The following ANKRD11 variants were observed in gnomAD, a reference collection of about 807,000 sequenced individuals.
ANKRD11 encodes ankyrin repeat domain-containing protein 11.
Under a neutral mutation model 195.7 loss-of-function variants are expected in ANKRD11, and 17 were observed. The observed-to-expected ratio is 0.09, with a 90% CI of 0.06 to 0.13. ANKRD11 has a LOEUF of 0.13. ANKRD11 is among the 10% of genes least tolerant of loss of function. ANKRD11 has a pLI of 1.00. For missense variants in ANKRD11, 3,735 were observed against 3,566.1 expected (o/e 1.05, Z -1.21); for synonymous variants, 1,953 against 1,528.1 (o/e 1.28, Z -6.49).
chr16:89,455,504 C>T (rs1200018309), intron 1 of ANKRD11, among the ~76,000 whole-genome samples: 6 of 152,162 alleles, frequency 3.9e-5, no homozygotes, highest in Admixed American at 3.9e-4. Context: ...TCACTGAAAA[C>T]AGCCCCAAAA....
chr16:89,419,451 T>TAA (rs772809896), intron 1 of ANKRD11, among the ~76,000 whole-genome samples: 16 of 132,226 alleles, frequency 1.2e-4, no homozygotes, highest in Non-Finnish European at 2.0e-4. Context: ...AAACTCGTCT[T>TAA]AAAAAAAAAA....
intron 2 of ANKRD11, among the ~76,000 whole-genome samples, chr16:89,361,860 T>C (rs2039746611): frequency 6.6e-6 from 1 of 152,018 alleles, no homozygotes; most frequent in African/African-American, 2.4e-5. Context: ...AAATCCGCAC[T>C]CTAGATAAGA....
At chr16:89,467,362 A>G (rs1567845898) in intron 1 of ANKRD11, among the ~76,000 whole-genome samples, 1 of 152,094 alleles carries the variant, frequency 6.6e-6, no homozygotes, top group Non-Finnish European at 1.5e-5. Context: ...AAACTGCCTG[A>G]GCCCAGGAAG....
At chr16:89,304,341 CACACACGGGCGCAT>C in intron 4 of ANKRD11, among the ~76,000 whole-genome samples, 1 of 151,474 alleles carries the variant, frequency 6.6e-6, no homozygotes, top group East Asian at 1.9e-4. Context: ...GGCATGCACA[CACACACGGGCGCAT>C]ACACAGGCAT....
intron 1 of ANKRD11, among the ~76,000 whole-genome samples, chr16:89,463,120 C>A (rs1227998789): frequency 5.3e-5 from 8 of 151,890 alleles, no homozygotes; most frequent in East Asian, 1.9e-4. Flanking sequence ...CCGGCCGCCC[C>A]TACTGGGAAG....
intron 4 of ANKRD11, among the ~76,000 whole-genome samples, chr16:89,302,340 C>T (rs548671705): frequency 7.2e-4 from 110 of 152,342 alleles, no homozygotes; most frequent in Middle Eastern, 3.4e-3. Context: ...GCAACCTCCA[C>T]CTATTGGGTT....
chr16:89,333,628 T>C lies in ANKRD11; in HGVS notation c.-59-16550A>G, dbSNP rs541643218. ...TCGGAACCCTACAGTGTGTAGTCCT[T>C]GGAGACGGGCTGCTTTCACTCAGGC... On this transcript the variant is annotated intron_variant, in intron 2 of 12. Coordinates refer to ENST00000301030, the MANE Select transcript of ANKRD11 (RefSeq NM_013275.6). 3.9e-5 allele frequency among the ~76,000 whole-genome samples: 6 copies of C among 152,288 alleles called. No individual in the cohort carries two copies. In the East Asian group the frequency reaches 1.2e-3, roughly 29 times the overall value.
intron 2 of ANKRD11, among the ~76,000 whole-genome samples, chr16:89,407,027 A>C (rs1037044549): frequency 6.6e-6 from 1 of 151,964 alleles, no homozygotes; most frequent in Non-Finnish European, 1.5e-5. Context: ...TCTACTAAAA[A>C]CACAAAAAAT....
chr16:89,440,353 A>C (rs1046690185), intron 1 of ANKRD11, among the ~76,000 whole-genome samples: 3 of 152,216 alleles, frequency 2.0e-5, no homozygotes, highest in Non-Finnish European at 4.4e-5. Flanking sequence ...CAGGCCTGTA[A>C]TCCCAGAACT....
intron 9 of ANKRD11, chr16:89,278,730 G>C (rs983956576): frequency 3.9e-6 from 2 of 516,174 alleles, no homozygotes; most frequent in Non-Finnish European, 3.8e-6. Flanking sequence ...GCTCTCGTGA[G>C]GCCGTCCTGG....
chr16:89,476,880 C>G (rs1420924602), intron 1 of ANKRD11, among the ~76,000 whole-genome samples: 1 of 152,180 alleles, frequency 6.6e-6, no homozygotes, highest in Non-Finnish European at 1.5e-5. Context: ...TCTGGGCAGA[C>G]TCATCTCACA....
intron 2 of ANKRD11, among the ~76,000 whole-genome samples, chr16:89,364,067 A>AACAC (rs58145428): frequency 0.48 from 72,004 of 150,406 alleles, 17,968 homozygotes; most frequent in Middle Eastern, 0.73. Flanking sequence ...GCTGATTTAA[A>AACAC]ACACACACAC....
chr16:89,273,168 A>ATTGT (rs1320824372), intron 11 of ANKRD11: 7 of 151,970 alleles, frequency 4.6e-5, no homozygotes, highest in Admixed American at 3.9e-4. Context: ...CGTTAACTGG[A>ATTGT]TTGTTTGTAA....
chr16:89,278,366 G>A (rs183471918), intron 9 of ANKRD11: 10 of 376,264 alleles, frequency 2.7e-5, no homozygotes, highest in East Asian at 7.3e-5. Flanking sequence ...GAGTGCACAG[G>A]GCAGGCAGCC....
At chr16:89,399,058 T>G (rs984914469) in intron 2 of ANKRD11, among the ~76,000 whole-genome samples, 2 of 152,192 alleles carry the variant, frequency 1.3e-5, no homozygotes, top group African/African-American at 2.4e-5. Flanking sequence ...GCATTTTCAG[T>G]GTTGCCTCAA....
chr16:89,313,325 C>G, intron 3 of ANKRD11: 5 of 1,287,266 alleles, frequency 3.9e-6, no homozygotes, highest in Non-Finnish European at 5.1e-6. Flanking sequence ...ACCTTTGGAT[C>G]AGAACACACT....
chr16:89,359,686 C>G (rs969987537), intron 2 of ANKRD11, among the ~76,000 whole-genome samples: 5 of 152,192 alleles, frequency 3.3e-5, no homozygotes, highest in Non-Finnish European at 5.9e-5. Context: ...CACACTGAAG[C>G]AGGAACTGGG....
intron 12 of ANKRD11, 100 bp from the exon 13 acceptor site, chr16:89,268,763 C>T: frequency 7.2e-7 from 1 of 1,387,110 alleles, no homozygotes; most frequent in Non-Finnish European, 9.9e-7. Context: ...CGTGATACGG[C>T]CGTGAACCTA....
At chr16:89,438,933 A>G (rs534042052) in intron 1 of ANKRD11, among the ~76,000 whole-genome samples, 23 of 152,072 alleles carry the variant, frequency 1.5e-4, no homozygotes, top group Non-Finnish European at 3.2e-4. Flanking sequence ...GCTTGAGCCA[A>G]TGAGTTCGTG....
Sources: gnomAD v4.1 joint callset for allele counts (sites outside exome capture counted in the v4.1 genomes callset) on GRCh38, gnomAD v4.1.1 for gene constraint, MANE v1.5 for transcripts, NCBI Gene and HGNC (gene_info 2026-07-23, HGNC 2026-07-21) for gene names.